Variants in LYRM4 observed in about 807,000 individuals in gnomAD.
LYRM4 encodes LYR motif containing 4.
In LYRM4, 9 loss-of-function variants were observed where a neutral mutation model predicts 11.7. That is an observed-to-expected ratio of 0.77 (90% CI 0.46 to 1.34). The LOEUF (loss-of-function observed/expected upper bound fraction) is 1.34. LYRM4 is among the 40% of genes most tolerant of loss of function. The pLI is 0.00. For synonymous variants in LYRM4, 42 were observed against 40.4 expected (o/e 1.04, Z -0.15); for missense variants, 133 against 112.5 (o/e 1.18, Z -0.82).
rs947182525 is a variant in LYRM4 at position 5,211,637 on chromosome 6, C to T, written c.207+4981G>A. On this transcript the variant is annotated intron_variant, in intron 2 of 2. Coordinates refer to ENST00000330636, the MANE Select transcript of LYRM4 (RefSeq NM_020408.6). ...ACATCCACTATTTTGAGTTCCTTAA[C>T]TAAAAAAGCACAAGCTTAAGAACAG... is the stretch of plus-strand genomic sequence containing the variant. Among the ~76,000 whole-genome samples the T allele has an allele frequency of 3.9e-5, 6 of 152,114 alleles. 1 individual carries two copies. In the South Asian group the frequency reaches 6.2e-4, roughly 16 times the overall value.
At chr6:5,104,001 A>G (rs1762585019), downstream of LYRM4, 1 of 152,558 alleles carries the variant, frequency 6.6e-6, no homozygotes, top group African/African-American at 2.4e-5. Context: ...AAAAAAAAAA[A>G]AAGCTAATTT....
intron 2 of LYRM4, among the ~76,000 whole-genome samples, chr6:5,162,101 G>A (rs562849891): frequency 6.6e-6 from 1 of 152,290 alleles, no homozygotes; most frequent in African/African-American, 2.4e-5. Context: ...TCAGGAGGGT[G>A]AGCATGGCAT....
chr6:5,033,204 C>G, the LYRM4 span: 2 of 150,258 alleles, frequency 1.3e-5, no homozygotes, highest in African/African-American at 5.0e-5. Flanking sequence ...CCACATACTG[C>G]TTCTCTCCCC....
the LYRM4 span, among the ~76,000 whole-genome samples, chr6:5,053,360 A>G: frequency 6.6e-6 from 1 of 152,150 alleles, no homozygotes; most frequent in African/African-American, 2.4e-5. Flanking sequence ...TATAGGGTAA[A>G]GTATCTGACC....
chr6:5,049,228 C>T, the LYRM4 span, among the ~76,000 whole-genome samples: 1 of 152,126 alleles, frequency 6.6e-6, no homozygotes, highest in Non-Finnish European at 1.5e-5. Flanking sequence ...GAAGCTGCAT[C>T]CTCTTCTCCA....
In LYRM4 at chr6:5,198,253, C is replaced by T. The variant is rs372206519; in HGVS notation, c.207+18365G>A. 2.6e-3 allele frequency among the ~76,000 whole-genome samples: 397 copies of T among 152,178 alleles called. 2 individuals carry two copies. The highest frequency in any genetic ancestry group is 8.4e-3 in the African/African-American group (349 of 41,530). ...GCAACTAACTGAGTTTTGGACATCA[C>T]GGCTTTCAAGTACTCATAAAACACC... On this transcript the variant is annotated intron_variant, in intron 2 of 2. Coordinates refer to ENST00000330636, the MANE Select transcript of LYRM4 (RefSeq NM_020408.6).
chr6:5,085,535 C>T, the LYRM4 span: 11 of 1,539,622 alleles, frequency 7.1e-6, no homozygotes, highest in Non-Finnish European at 9.6e-6. Context: ...GGACCAGCGC[C>T]CTTCCGAGAG....
chr6:5,095,800 T>G, the LYRM4 span, among the ~76,000 whole-genome samples: 7 of 151,866 alleles, frequency 4.6e-5, no homozygotes, highest in East Asian at 1.9e-4. Context: ...GCCAACATGG[T>G]GAAACCTCAT....
intron 2 of LYRM4, among the ~76,000 whole-genome samples, chr6:5,118,094 A>ATATATTTT: frequency 1.6e-4 from 14 of 86,126 alleles, no homozygotes; most frequent in African/African-American, 2.3e-4. Flanking sequence ...ATATATATAT[A>ATATATTTT]TTTTTGTTTT....
the LYRM4 span, chr6:5,031,939 A>C: frequency 6.6e-6 from 1 of 152,196 alleles, no homozygotes; most frequent in Non-Finnish European, 1.5e-5. Context: ...GAAACACTCA[A>C]TCTTATATGA....
the LYRM4 span, among the ~76,000 whole-genome samples, chr6:5,061,213 TTTTAA>T: frequency 1.3e-5 from 2 of 152,234 alleles, no homozygotes; most frequent in African/African-American, 2.4e-5. Context: ...ATTTTTCTGA[TTTTAA>T]TTTATTTATC....
chr6:5,036,714 A>G, the LYRM4 span, among the ~76,000 whole-genome samples: 8 of 152,168 alleles, frequency 5.3e-5, no homozygotes, highest in African/African-American at 1.4e-4. Context: ...TCTTGCATCA[A>G]TTTCTCTCCT....
intron 2 of LYRM4, among the ~76,000 whole-genome samples, chr6:5,131,337 A>C (rs570324925): frequency 6.6e-6 from 1 of 152,340 alleles, no homozygotes; most frequent in East Asian, 1.9e-4. Flanking sequence ...AAAGGTAATC[A>C]CAGAGAATTT....
downstream of LYRM4, among the ~76,000 whole-genome samples, chr6:5,098,827 G>C (rs1762414906): frequency 6.6e-6 from 1 of 152,158 alleles, no homozygotes; most frequent in South Asian, 2.1e-4. Flanking sequence ...CTTTCCACTT[G>C]GTTAGGTACT....
At chr6:5,138,939 C>T (rs988751069) in intron 2 of LYRM4, among the ~76,000 whole-genome samples, 6 of 152,138 alleles carry the variant, frequency 3.9e-5, no homozygotes, top group Admixed American at 1.3e-4. Context: ...GAAAGTCTTT[C>T]GAGCAATCAG....
At chr6:5,074,728 G>C in the LYRM4 span, among the ~76,000 whole-genome samples, 5 of 151,950 alleles carry the variant, frequency 3.3e-5, no homozygotes, top group Non-Finnish European at 5.9e-5. Context: ...AAGTGATTAA[G>C]GGAAGTGATT....
At chr6:5,044,662 T>A in the LYRM4 span, among the ~76,000 whole-genome samples, 2 of 152,180 alleles carry the variant, frequency 1.3e-5, no homozygotes, top group Non-Finnish European at 2.9e-5. Context: ...TCCCCTCTAG[T>A]TTGTGATGGA....
At chr6:5,169,659 CTTCTTT>C (rs1759302747) in intron 2 of LYRM4, among the ~76,000 whole-genome samples, 1 of 152,180 alleles carries the variant, frequency 6.6e-6, no homozygotes, top group Non-Finnish European at 1.5e-5. Context: ...TTATTTAAAA[CTTCTTT>C]TTCAACTTTG....
At chr6:5,140,377 T>TA (rs1014380370) in intron 2 of LYRM4, among the ~76,000 whole-genome samples, 4 of 151,394 alleles carry the variant, frequency 2.6e-5, no homozygotes, top group East Asian at 3.9e-4. Flanking sequence ...TAACAATACT[T>TA]AAAAAAAAAT....
Sources: allele counts gnomAD v4.1 joint callset (sites outside exome capture counted in the v4.1 genomes callset), GRCh38; gene constraint gnomAD v4.1.1; transcripts MANE v1.5; gene names NCBI Gene and HGNC (gene_info 2026-07-23, HGNC 2026-07-21).